Variants in FBN1 observed in about 807,000 individuals in gnomAD.
The protein encoded by FBN1 is fibrillin 1, also known as fibrillin-1.
In FBN1, 29 loss-of-function variants were observed where a neutral mutation model predicts 365.1. That is an observed-to-expected ratio of 0.08 (90% CI 0.06 to 0.11). The LOEUF (loss-of-function observed/expected upper bound fraction) is 0.11. Ranked by LOEUF, FBN1 falls within the 10% of genes least tolerant of loss-of-function variation. The probability of loss-of-function intolerance (pLI) is 1.00; values close to 1 mark genes in which losing one functional copy is unlikely to be tolerated. For missense variants in FBN1, 2,476 were observed against 3,703.2 expected, an observed-to-expected ratio of 0.67 and a Z score of 8.60; for synonymous variants, 1,210 against 1,270.5, an observed-to-expected ratio of 0.95 and a Z score of 1.01.
intron 6 of FBN1, among the ~76,000 whole-genome samples, chr15:48,576,726 T>C (rs942617954): frequency 5.9e-5 from 9 of 152,212 alleles, no homozygotes; most frequent in African/African-American, 2.2e-4. Context: ...TAGCTAAGGA[T>C]ACAACAAAGT....
At chr15:48,417,248 CT>C (rs1043650076) in intron 63 of FBN1, among the ~76,000 whole-genome samples, 20 of 151,416 alleles carry the variant, frequency 1.3e-4, no homozygotes, top group African/African-American at 4.6e-4. Flanking sequence ...TCTATTTTTT[CT>C]TTTTTTTTAA....
chr15:48,513,438 C>T, intron 13 of FBN1, 111 bp downstream of exon 13: 1 of 1,475,502 alleles, frequency 6.8e-7, no homozygotes. Context: ...AGCCACGGGA[C>T]TGTATTAGTC....
chr15:48,632,631 T>C (rs763109463), intron 2 of FBN1, among the ~76,000 whole-genome samples: 19 of 152,178 alleles, frequency 1.2e-4, no homozygotes, highest in Non-Finnish European at 2.6e-4. Context: ...AGGTTATTAG[T>C]GATCATTGAA....
chr15:48,612,528 C>G (rs2044664253), intron 3 of FBN1, among the ~76,000 whole-genome samples: 1 of 152,192 alleles, frequency 6.6e-6, no homozygotes, highest in African/African-American at 2.4e-5. Flanking sequence ...AGAGGAACCT[C>G]TGTTATCATT....
chr15:48,611,606 T>A (rs2044656734), intron 3 of FBN1, among the ~76,000 whole-genome samples: 1 of 152,172 alleles, frequency 6.6e-6, no homozygotes, highest in African/African-American at 2.4e-5. Context: ...CTGAATTCCA[T>A]CAACAGTCTG....
Position 48,508,689 on chromosome 15 carries a change from C to G in FBN1, c.1730G>C (p.Ser577Thr). The G allele has an allele frequency of 1.2e-6, 2 of 1,613,682 alleles. No individual in the cohort carries two copies. Among genetic ancestry groups the G allele is most frequent in the Non-Finnish European group, 1.7e-6 (2 of 1,179,672 alleles). ...TCCATTAAGGCACATGTTCCTTATG[C>G]TGCATTCATCCATATCTGAAAATAC... is the stretch of plus-strand genomic sequence containing the variant. Reference protein sequence around the residue: ...GKNCEDMDECSIRNMCLNGMC... With the variant: ...GKNCEDMDECTIRNMCLNGMC... The change falls in exon 15 of 66, where the codon AGC becomes ACC. Residue 577 changes from serine to threonine, a missense_variant. Physicochemically the swap from Ser to Thr is moderately conservative, Grantham distance 58 (BLOSUM62 1). Around this residue, in one of 5 missense-constraint regions of FBN1, gnomAD observed 1,780 missense variants for 2,840.8 expected, o/e 0.63. Transcript: ENST00000316623.
chr15:48,464,636 A>G lies in FBN1; in HGVS notation c.4943-615T>C, dbSNP rs535150532. Among the ~76,000 whole-genome samples, 6 of 152,366 alleles carry G rather than the reference A, an allele frequency of 3.9e-5. No homozygotes were observed. The South Asian group carries it at 1.2e-3, about 32-fold the overall frequency. ...ATTAACCTATAATATCCTCAAAGGT[A>G]GGCAGAGATAGAAATGTGGAGAAAT... On this transcript the variant is annotated intron_variant, in intron 40 of 65. Coordinates refer to ENST00000316623, the MANE Select transcript of FBN1 (RefSeq NM_000138.5).
At chr15:48,450,561 GAGGAAACCACA>G (rs2043193240) in intron 45 of FBN1, among the ~76,000 whole-genome samples, 1 of 152,194 alleles carries the variant, frequency 6.6e-6, no homozygotes, top group Non-Finnish European at 1.5e-5. Flanking sequence ...CAGAGAAAGA[GAGGAAACCACA>G]AGGAAGTAGC....
At chr15:48,592,438 T>C (rs2044484790) in intron 6 of FBN1, among the ~76,000 whole-genome samples, 1 of 152,196 alleles carries the variant, frequency 6.6e-6, no homozygotes, top group Admixed American at 6.5e-5. Context: ...CACAGTTTTT[T>C]TGTTAGCAGT....
intron 6 of FBN1, among the ~76,000 whole-genome samples, chr15:48,571,675 C>G (rs527390949): frequency 6.6e-6 from 1 of 151,912 alleles, no homozygotes; most frequent in South Asian, 2.1e-4. Flanking sequence ...GAGGTGAAAC[C>G]AAAACTTAGA....
intron 25 of FBN1, 50 bp from the exon 26 acceptor site, chr15:48,488,543 C>A (rs2043529905): frequency 6.3e-7 from 1 of 1,599,396 alleles, no homozygotes; most frequent in South Asian, 1.1e-5. Flanking sequence ...AGCAAGCAGT[C>A]AGGAGGTCTC....
intron 48 of FBN1, among the ~76,000 whole-genome samples, chr15:48,445,171 C>T (rs1380431507): frequency 7.2e-6 from 1 of 138,948 alleles, no homozygotes; most frequent in Non-Finnish European, 1.5e-5. Context: ...TATATATACA[C>T]ACATATATAT....
chr15:48,488,287 T>G, intron 26 of FBN1, 46 bp from the exon 27 acceptor site: 2 of 1,614,016 alleles, frequency 1.2e-6, no homozygotes, highest in South Asian at 1.1e-5. Context: ...CAGGACAGCC[T>G]TAATTCTTGC....
chr15:48,452,588 C>T lies in FBN1; in HGVS notation c.5519G>A (p.Arg1840His), dbSNP rs369482365. Reference protein sequence around the residue: ...SYRCDCKPGYRFTSTGQCNDR... With the variant: ...SYRCDCKPGYHFTSTGQCNDR... ...ATTGCACTGTCCTGTGGAGGTGAAGCGGTAGCCGGGCTTACAGTCACAGCG... is the reference window on the plus strand; with the variant it reads ...ATTGCACTGTCCTGTGGAGGTGAAGTGGTAGCCGGGCTTACAGTCACAGCG... Residue 1840 changes from arginine to histidine, a missense_variant, in exon 45 of 66, where the codon CGC (arginine) becomes CAC (histidine). By Grantham distance (29) the Arg-to-His change is conservative (BLOSUM62 0). Coordinates refer to ENST00000316623, the MANE Select transcript of FBN1 (RefSeq NM_000138.5). 6.8e-6 allele frequency: 11 copies of T among 1,614,130 alleles called. No individual in the cohort carries two copies. The African/African-American group carries it at 9.3e-5, about 14-fold the overall frequency.
intron 44 of FBN1, among the ~76,000 whole-genome samples, chr15:48,456,422 A>T (rs1319255360): frequency 6.6e-6 from 1 of 152,152 alleles, no homozygotes. Context: ...TGTTGGGGGA[A>T]AGGGGCTGGG....
intron 6 of FBN1, among the ~76,000 whole-genome samples, chr15:48,546,226 G>A (rs1353465410): frequency 6.6e-6 from 1 of 152,140 alleles, no homozygotes; most frequent in Non-Finnish European, 1.5e-5. Context: ...CAATCTTGTG[G>A]AGGAGGTAGT....
At chr15:48,588,810 G>A (rs1369350704) in intron 6 of FBN1, among the ~76,000 whole-genome samples, 1 of 152,150 alleles carries the variant, frequency 6.6e-6, no homozygotes, top group Non-Finnish European at 1.5e-5. Context: ...CTGGGAAACT[G>A]GTGAAGGGCC....
At chr15:48,425,543 C>T (rs749080937) in intron 59 of FBN1, 52 bp from the exon 60 acceptor site, 20 of 1,611,892 alleles carry the variant, frequency 1.2e-5, no homozygotes, top group South Asian at 5.5e-5. Context: ...GATGTGTACA[C>T]GCTCAATTTC....
chr15:48,438,974 C>T (rs776122434), intron 50 of FBN1, among the ~76,000 whole-genome samples: 5 of 152,164 alleles, frequency 3.3e-5, no homozygotes, highest in Non-Finnish European at 7.4e-5. Flanking sequence ...ATTCTTCTTT[C>T]TTTATATCTG....
Sources: gnomAD v4.1 joint callset for allele counts (sites outside exome capture counted in the v4.1 genomes callset) on GRCh38, gnomAD v4.1.1 for gene constraint, gnomAD v4.1.1 regional missense constraint, MANE v1.5 for transcripts, NCBI Gene and HGNC (gene_info 2026-07-23, HGNC 2026-07-21) for gene names.